Variants in EYS observed in about 807,000 individuals in gnomAD.
EYS encodes protein eyes shut homolog.
EYS carries 250 observed loss-of-function variants against 282.1 expected under a neutral mutation model. That is an observed-to-expected ratio of 0.89 (90% confidence interval 0.80 to 0.98). The LOEUF (loss-of-function observed/expected upper bound fraction) is 0.98, where lower values mean the gene tolerates loss of function less well. Among genes scored for constraint, EYS ranks in the 50% least tolerant of loss-of-function variants. The pLI, the probability that EYS is intolerant of heterozygous loss-of-function variation, is 0.00. For synonymous variants in EYS, 1,355 were observed against 1,282.9 expected (o/e 1.06, Z -1.20); for missense variants, 4,016 against 3,709.0 (o/e 1.08, Z -2.15).
chr6:64,351,209 G>A (rs971481457), intron 29 of EYS, among the ~76,000 whole-genome samples: 24 of 151,322 alleles, frequency 1.6e-4, no homozygotes, highest in Non-Finnish European at 1.5e-5. Context: ...CAATCTACTC[G>A]AATTTTAAGT....
intron 15 of EYS, among the ~76,000 whole-genome samples, chr6:64,940,491 A>G (rs1032373435): frequency 5.3e-5 from 8 of 151,926 alleles, no homozygotes; most frequent in African/African-American, 1.9e-4. Flanking sequence ...ACAGATAACA[A>G]TTAATATTAT....
intron 22 of EYS, among the ~76,000 whole-genome samples, chr6:64,730,289 A>G (rs1771915027): frequency 6.6e-6 from 1 of 152,184 alleles, no homozygotes; most frequent in African/African-American, 2.4e-5. Flanking sequence ...CTGAGACAGG[A>G]GGAAGAAAAG....
Position 65,494,879 on chromosome 6 carries a change from G to T in EYS, c.532C>A (p.Leu178Met). Residue 178 changes from leucine to methionine, a missense_variant, in exon 4 of 43, where the codon CTG becomes ATG. By Grantham distance (15) the Leu-to-Met change is conservative (BLOSUM62 2). Transcript: ENST00000503581. ...TGACCAGAGCAAAATTCTGAACTCAGAGATTCCTGGCAGAACTGCTGTTTC... is the reference window on the plus strand; with the variant it reads ...TGACCAGAGCAAAATTCTGAACTCATAGATTCCTGGCAGAACTGCTGTTTC... ...TVKQQFCQESLSSEFCSGHGK... is the reference protein window; with the variant it reads ...TVKQQFCQESMSSEFCSGHGK... 6.2e-7 allele frequency: 1 copy of T among 1,613,984 alleles called. No homozygotes were observed. Among genetic ancestry groups the T allele is most frequent in the Non-Finnish European group, 8.5e-7 (1 of 1,179,888 alleles).
intron 2 of EYS, among the ~76,000 whole-genome samples, chr6:65,578,603 G>A (rs1764759990): frequency 6.6e-6 from 1 of 151,452 alleles, no homozygotes; most frequent in African/African-American, 2.4e-5. Context: ...AGTGTTCTCA[G>A]TATTAAAAAA....
At chr6:65,042,660 C>T (rs778467887) in intron 13 of EYS, among the ~76,000 whole-genome samples, 1 of 151,198 alleles carries the variant, frequency 6.6e-6, no homozygotes, top group Admixed American at 6.6e-5. Context: ...ATAAATCCAC[C>T]ATTCAGCATT....
intron 22 of EYS, among the ~76,000 whole-genome samples, chr6:64,654,051 G>T (rs1768660794): frequency 6.6e-6 from 1 of 151,768 alleles, no homozygotes; most frequent in African/African-American, 2.4e-5. Flanking sequence ...TCCTTTTTCT[G>T]CATTCAGTCT....
chr6:64,619,955 G>A (rs1285651683), intron 23 of EYS, among the ~76,000 whole-genome samples: 1 of 152,154 alleles, frequency 6.6e-6, no homozygotes, highest in Non-Finnish European at 1.5e-5. Flanking sequence ...CCTATAGTCA[G>A]GAAGAAGTCT....
At chr6:65,532,190 C>T (rs1203082748) in intron 2 of EYS, among the ~76,000 whole-genome samples, 3 of 151,890 alleles carry the variant, frequency 2.0e-5, no homozygotes, top group Non-Finnish European at 2.9e-5. Context: ...TATATATAAT[C>T]ATATGCTTAA....
intron 22 of EYS, among the ~76,000 whole-genome samples, chr6:64,686,720 C>A (rs532890769): frequency 1.5e-5 from 2 of 130,386 alleles, no homozygotes; most frequent in African/African-American, 5.8e-5. Context: ...CCAGCCTGGG[C>A]GACAGAGCAA....
At chr6:64,574,226 T>C (rs1303906238) in intron 26 of EYS, among the ~76,000 whole-genome samples, 1 of 151,976 alleles carries the variant, frequency 6.6e-6, no homozygotes, top group Non-Finnish European at 1.5e-5. Context: ...AGTTGAACAA[T>C]GGGAACACAG....
At chr6:63,813,815 T>C (rs1395762425) in intron 36 of EYS, among the ~76,000 whole-genome samples, 1 of 152,152 alleles carries the variant, frequency 6.6e-6, no homozygotes, top group African/African-American at 2.4e-5. Context: ...AGATCTTCCC[T>C]TGGAAACTGC....
intron 2 of EYS, among the ~76,000 whole-genome samples, chr6:65,533,933 C>A (rs1220800495): frequency 1.3e-5 from 2 of 152,096 alleles, no homozygotes; most frequent in Non-Finnish European, 2.9e-5. Flanking sequence ...TCAATCTCAA[C>A]TCATTGGCAT....
At chr6:65,420,330 A>C (rs78016486) in intron 5 of EYS, among the ~76,000 whole-genome samples, 2 of 152,104 alleles carry the variant, frequency 1.3e-5, no homozygotes, top group East Asian at 3.9e-4. Flanking sequence ...CCAGGAGTAG[A>C]TTATATTTGA....
chr6:64,830,461 C>A (rs80136696), intron 19 of EYS, among the ~76,000 whole-genome samples: 1 of 151,718 alleles, frequency 6.6e-6, no homozygotes, highest in Non-Finnish European at 1.5e-5. Context: ...CATTCATGAA[C>A]AAACAAAAAA....
intron 36 of EYS, among the ~76,000 whole-genome samples, chr6:63,849,790 T>C (rs1339111858): frequency 6.6e-6 from 1 of 152,100 alleles, no homozygotes; most frequent in African/African-American, 2.4e-5. Flanking sequence ...TCAAGACACC[T>C]TGTCAGCAAG....
intron 30 of EYS, among the ~76,000 whole-genome samples, chr6:64,295,729 CA>C (rs74773239): frequency 0.68 from 90,223 of 132,512 alleles, 29,698 homozygotes; most frequent in Non-Finnish European, 0.7. Flanking sequence ...ACTCCGTCTC[CA>C]AAAAAAAAAA....
intron 13 of EYS, among the ~76,000 whole-genome samples, chr6:65,035,729 C>T (rs902446189): frequency 3.3e-5 from 5 of 151,766 alleles, no homozygotes; most frequent in South Asian, 2.1e-4. Context: ...TTGGAAGAAT[C>T]GTTGTTAAAA....
At chr6:65,229,773 C>G (rs906948662) in intron 12 of EYS, among the ~76,000 whole-genome samples, 1 of 151,910 alleles carries the variant, frequency 6.6e-6, no homozygotes, top group Non-Finnish European at 1.5e-5. Flanking sequence ...ACTGAGAAGT[C>G]TCAAGTGTGA....
chr6:64,401,983 A>T (rs888953030), intron 28 of EYS, among the ~76,000 whole-genome samples: 2 of 152,136 alleles, frequency 1.3e-5, no homozygotes, highest in South Asian at 4.1e-4. Context: ...ATGACAGCTC[A>T]ACAACAGAAA....
Sources: allele counts gnomAD v4.1 joint callset (sites outside exome capture counted in the v4.1 genomes callset), GRCh38; gene constraint gnomAD v4.1.1; transcripts MANE v1.5; gene names NCBI Gene and HGNC (gene_info 2026-07-23, HGNC 2026-07-21).